USP44: variants seen among roughly 807,000 people sequenced by gnomAD.
USP44 encodes ubiquitin specific peptidase 44.
USP44 carries 61 observed loss-of-function variants against 69.0 expected under a neutral mutation model. That is an observed-to-expected ratio of 0.88 (90% CI 0.72 to 1.09). USP44 has a LOEUF of 1.09. Among genes scored for constraint, USP44 ranks in the 50% least tolerant of loss-of-function variants. USP44 has a pLI of 0.00. For synonymous variants in USP44, 297 were observed against 295.4 expected, an observed-to-expected ratio of 1.01 and a Z score of -0.06; for missense variants, 753 against 849.9, an observed-to-expected ratio of 0.89 and a Z score of 1.42.
chr12:95,525,672 G>A (rs916498186), intron 3 of USP44, among the ~76,000 whole-genome samples: 1 of 152,138 alleles, frequency 6.6e-6, no homozygotes, highest in Non-Finnish European at 1.5e-5. Flanking sequence ...TCACTCAAGC[G>A]TTTTGCTTTT....
In USP44 at chr12:95,533,228, A is replaced by T; in HGVS notation, c.1029T>A (p.Gly343=). The change falls in exon 2 of 6, where the codon GGT becomes GGA. Residue 343 remains glycine (G), a synonymous_variant. Transcript: ENST00000258499. The part of the protein sequence containing the change: ...QMNECQEKDT[G]FVCSRQSSLS... ...GACTTGATTGTCTGGAGCAAACAAA[A>T]CCTGTATCTTTTTCCTGACATTCAT... 1.2e-6 allele frequency: 2 copies of T among 1,613,968 alleles called. No individual in the cohort carries two copies. Among genetic ancestry groups the T allele is most frequent in the South Asian group, 2.2e-5 (2 of 91,078 alleles).
intron 1 of USP44, among the ~76,000 whole-genome samples, 175 bp from the exon 2 acceptor site, chr12:95,534,501 T>C (rs1322475470): frequency 6.6e-6 from 1 of 152,194 alleles, no homozygotes; most frequent in Non-Finnish European, 1.5e-5. Flanking sequence ...ACATCCACCT[T>C]GCTCTGAAAG....
chr12:95,521,416 T>A (rs1349666440), intron 4 of USP44, among the ~76,000 whole-genome samples: 1 of 152,204 alleles, frequency 6.6e-6, no homozygotes, highest in Non-Finnish European at 1.5e-5. Flanking sequence ...GAAAAAAAAA[T>A]TTAACTTTTG....
chr12:95,539,855 G>A (rs1230640253), intron 1 of USP44, among the ~76,000 whole-genome samples: 2 of 152,184 alleles, frequency 1.3e-5, no homozygotes, highest in Non-Finnish European at 2.9e-5. Flanking sequence ...GATCTTATAA[G>A]GGATTTTTAA....
At chr12:95,532,695 A>G (rs1177161346) in intron 2 of USP44, 134 bp downstream of exon 2, 2 of 720,468 alleles carry the variant, frequency 2.8e-6, no homozygotes, top group Non-Finnish European at 2.2e-6. Context: ...CTCTATACAT[A>G]TTTATAAAAA....
At chr12:95,534,453 G>A in intron 1 of USP44, 127 bp from the exon 2 acceptor site, 2 of 524,250 alleles carry the variant, frequency 3.8e-6, no homozygotes, top group Non-Finnish European at 3.3e-6. Flanking sequence ...ACCATTGGCA[G>A]TTCTCCCATT....
intron 1 of USP44, among the ~76,000 whole-genome samples, chr12:95,538,184 C>T (rs1191517509): frequency 2.6e-5 from 4 of 152,050 alleles, no homozygotes; most frequent in Non-Finnish European, 5.9e-5. Context: ...TCTAAATCCC[C>T]GAGTTTAACA....
intron 4 of USP44, among the ~76,000 whole-genome samples, chr12:95,523,060 A>G (rs1226401332): frequency 2.0e-5 from 3 of 152,164 alleles, no homozygotes; most frequent in Non-Finnish European, 4.4e-5. Context: ...TGAAGTCCCC[A>G]GAGGGCAGCA....
intron 4 of USP44, among the ~76,000 whole-genome samples, chr12:95,522,377 C>T (rs2076693119): frequency 1.3e-5 from 2 of 151,960 alleles, no homozygotes; most frequent in South Asian, 4.2e-4. Context: ...ATCTGCTGGA[C>T]CATAAGTCAT....
intron 3 of USP44, among the ~76,000 whole-genome samples, chr12:95,528,121 G>A (rs760113092): frequency 6.6e-6 from 1 of 152,140 alleles, no homozygotes; most frequent in Non-Finnish European, 1.5e-5. Flanking sequence ...TTACAGGCGT[G>A]AGCCACTGCA....
chr12:95,523,883 T>C (rs2076748011), intron 4 of USP44, among the ~76,000 whole-genome samples: 1 of 150,088 alleles, frequency 6.7e-6, no homozygotes, highest in Admixed American at 6.6e-5. Context: ...ACATTTTTCT[T>C]TTTTTTTTCT....
Position 95,533,007 on chromosome 12 carries a change from C to T in USP44, c.1250G>A (p.Arg417His), listed in dbSNP as rs372410952. The T allele has an allele frequency of 2.3e-5, 37 of 1,614,002 alleles. No individual in the cohort carries two copies. Among genetic ancestry groups the T allele is most frequent in the East Asian group, 6.7e-5 (3 of 44,896 alleles). Residue 417 changes from arginine (R) to histidine (H), a missense_variant, in exon 2 of 6, where the codon CGT becomes CAT. Transcript: ENST00000258499. ...HSVWRLIPAF[R>H]GYAQQDAQEF... ...CTGAGCGTCTTGTTGGGCGTAACCA[C>T]GAAAGGCAGGAATGAGTCTCCACAC...
At chr12:95,538,908 C>T (rs184636596) in intron 1 of USP44, among the ~76,000 whole-genome samples, 72 of 152,326 alleles carry the variant, frequency 4.7e-4, no homozygotes, top group Middle Eastern at 3.4e-3. Context: ...GCTAATCCAC[C>T]GCTGTGAAGC....
chr12:95,537,055 G>A (rs2077228928), intron 1 of USP44, among the ~76,000 whole-genome samples: 1 of 152,178 alleles, frequency 6.6e-6, no homozygotes, highest in Non-Finnish European at 1.5e-5. Flanking sequence ...GAATTACAAA[G>A]AGCTCTGGAG....
At chr12:95,518,732 G>C (rs2076554560) in intron 5 of USP44, among the ~76,000 whole-genome samples, 1 of 152,154 alleles carries the variant, frequency 6.6e-6, no homozygotes, top group Non-Finnish European at 1.5e-5. Flanking sequence ...CTGAGGCCAG[G>C]AGTTAGAGAC....
chr12:95,539,278 T>A (rs1592730231), intron 1 of USP44, among the ~76,000 whole-genome samples: 1 of 150,242 alleles, frequency 6.7e-6, no homozygotes, highest in Admixed American at 6.7e-5. Context: ...CAGGCTGGAG[T>A]GCAGTGGCGC....
chr12:95,519,998 ACT>A (rs1463580546), intron 5 of USP44, among the ~76,000 whole-genome samples: 2 of 117,516 alleles, frequency 1.7e-5, no homozygotes, highest in Non-Finnish European at 3.3e-5. Context: ...AAAGAGTGAG[ACT>A]CTGTCTCAAA....
chr12:95,548,582 C>G lies in USP44; in HGVS notation c.-71+2690G>C, dbSNP rs79657323. ...GCCGGACGCGTCGCCGCCGCGCGCCCCTCGGCTCATTCCCTTCCGCGCGCC... is the reference window on the plus strand; with the variant it reads ...GCCGGACGCGTCGCCGCCGCGCGCCGCTCGGCTCATTCCCTTCCGCGCGCC... On this transcript the variant is annotated intron_variant, in intron 1 of 5. Coordinates refer to ENST00000258499, the MANE Select transcript of USP44 (RefSeq NM_032147.5). The surrounding 1 kb of genome is among the most constrained non-coding windows in gnomAD (Gnocchi z 4.1). 10,228 of 153,250 alleles carry G rather than the reference C, an allele frequency of 0.067. 979 individuals are homozygous for G. The highest frequency in any genetic ancestry group is 0.36 in the East Asian group (1,844 of 5,158). 9.5% of individuals were successfully genotyped at this position (153,250 alleles called of 1,614,324 possible).
rs1380493997 is a variant in USP44, at chr12:95,517,071, TGCAAG to T, written c.*1078_*1082del. On this transcript the variant is annotated 3_prime_UTR_variant, in exon 6 of 6. Transcript: ENST00000258499. The stretch of plus-strand genomic sequence containing the variant: ...GTGACTCACACTGTATTTTTTTTTG[TGCAAG>T]TTTAGATAGATAGCTTTTAGTTTTT... 3.4e-5 allele frequency: 5 copies of T among 147,506 alleles called. No homozygotes were observed. The highest frequency in any genetic ancestry group is 2.7e-4 in the Admixed American group (4 of 14,888). The allele number at this position is 147,506 out of a possible 1,614,324, so 9.1% of individuals were successfully genotyped here.
Sources: allele counts gnomAD v4.1 joint callset (sites outside exome capture counted in the v4.1 genomes callset), GRCh38; gene constraint gnomAD v4.1.1; non-coding constraint Gnocchi (gnomAD v3.1); transcripts MANE v1.5; gene names NCBI Gene and HGNC (gene_info 2026-07-23, HGNC 2026-07-21).